The following SYNPR variants were observed in gnomAD, a reference collection of about 807,000 sequenced individuals.
The protein encoded by SYNPR is synaptoporin.
SYNPR carries 23 observed loss-of-function variants against 32.9 expected under a neutral mutation model. The observed-to-expected ratio is 0.70, with a 90% CI of 0.50 to 0.99. SYNPR has a LOEUF of 0.99. Ranked by LOEUF, SYNPR falls within the 50% of genes least tolerant of loss-of-function variation. SYNPR has a pLI of 0.00. For synonymous variants in SYNPR, 146 were observed against 135.9 expected (o/e 1.07, Z -0.52); for missense variants, 318 against 349.3 (o/e 0.91, Z 0.71).
At chr3:63,418,431 G>A (rs2088568005) in intron 2 of SYNPR, among the ~76,000 whole-genome samples, 1 of 152,102 alleles carries the variant, frequency 6.6e-6, no homozygotes, top group South Asian at 2.1e-4. Flanking sequence ...TCCAACCCCT[G>A]CCTGTTAGCC....
rs111588374 is a variant in SYNPR, at chr3:63,360,190, C to T, written c.84+81448C>T. Among the ~76,000 whole-genome samples, 709 of 152,244 alleles carry T rather than the reference C, an allele frequency of 4.7e-3. 6 individuals carry two copies. Among genetic ancestry groups the T allele is most frequent in the African/African-American group, 0.016 (646 of 41,558 alleles). ...TTCTTGTAAACATACACCCTTTCAC[C>T]CAGTTATTGTAGCCCAAAATCTCGG... On this transcript the variant is annotated intron_variant, in intron 2 of 5. Transcript: ENST00000478300.
intron 4 of SYNPR, among the ~76,000 whole-genome samples, chr3:63,578,114 G>T (rs1166159666): frequency 6.6e-6 from 1 of 152,114 alleles, no homozygotes; most frequent in Non-Finnish European, 1.5e-5. Flanking sequence ...TGCAAGTAAG[G>T]CCCAAGATGT....
intron 5 of SYNPR, among the ~76,000 whole-genome samples, chr3:63,609,833 C>G (rs565509813): frequency 9.2e-5 from 14 of 152,240 alleles, no homozygotes; most frequent in African/African-American, 3.4e-4. Flanking sequence ...TCGCTTGAAC[C>G]CAGGAGGCGG....
At chr3:63,332,633 C>T (rs1052108088) in intron 2 of SYNPR, among the ~76,000 whole-genome samples, 2 of 152,120 alleles carry the variant, frequency 1.3e-5, no homozygotes, top group African/African-American at 4.8e-5. Flanking sequence ...CTTTTGATGT[C>T]TCAGGCTTCT....
intron 2 of SYNPR, among the ~76,000 whole-genome samples, chr3:63,315,875 T>G (rs2087038682): frequency 6.6e-6 from 1 of 152,124 alleles, no homozygotes; most frequent in Admixed American, 6.6e-5. Flanking sequence ...TGCTGTGGGT[T>G]TGTCATCAAT....
intron 2 of SYNPR, among the ~76,000 whole-genome samples, chr3:63,370,724 G>A (rs2107051288): frequency 6.6e-6 from 1 of 152,240 alleles, no homozygotes; most frequent in South Asian, 2.1e-4. Context: ...CAATTTTGAG[G>A]TTGTTTAGAT....
intron 2 of SYNPR, among the ~76,000 whole-genome samples, chr3:63,328,614 A>T (rs1377400368): frequency 6.6e-6 from 1 of 152,202 alleles, no homozygotes; most frequent in East Asian, 1.9e-4. Flanking sequence ...GGAAGAATGC[A>T]GTGCTCTGGG....
chr3:63,276,620 T>TCCC (rs11398109), upstream of SYNPR, among the ~76,000 whole-genome samples: 17 of 142,024 alleles, frequency 1.2e-4, no homozygotes, highest in Admixed American at 1.5e-4. Context: ...TAGTGTTAGT[T>TCCC]CCCCCCACCC....
At chr3:63,363,332 A>C (rs1293004054) in intron 2 of SYNPR, among the ~76,000 whole-genome samples, 3 of 152,180 alleles carry the variant, frequency 2.0e-5, no homozygotes, top group African/African-American at 7.2e-5. Flanking sequence ...TTTATGCATA[A>C]TCTCTCTTGC....
chr3:63,311,721 G>A (rs946655190), intron 2 of SYNPR, among the ~76,000 whole-genome samples: 1 of 151,948 alleles, frequency 6.6e-6, no homozygotes, highest in Admixed American at 6.6e-5. Flanking sequence ...GTACATATGT[G>A]TATATATAAT....
At chr3:63,433,033 G>A (rs114866054) in intron 2 of SYNPR, among the ~76,000 whole-genome samples, 242 of 152,282 alleles carry the variant, frequency 1.6e-3, no homozygotes, top group African/African-American at 5.7e-3. Flanking sequence ...ATTCTGATGG[G>A]CAGCCAAATC....
Position 63,467,964 on chromosome 3 carries a change from T to C in SYNPR, c.85-12868T>C, listed in dbSNP as rs964006746. Among the ~76,000 whole-genome samples the C allele has an allele frequency of 1.5e-4, 22 of 151,374 alleles. No homozygotes were observed. The East Asian group carries it at 1.6e-3, about 11-fold the overall frequency. ...CCTGTAATCCCAGCAGTTTGGGAGGTTGAGGCGGGCACATCACCTGAGGTT... is the reference window on the plus strand; with the variant it reads ...CCTGTAATCCCAGCAGTTTGGGAGGCTGAGGCGGGCACATCACCTGAGGTT... On this transcript the variant is annotated intron_variant, in intron 2 of 5. Coordinates refer to ENST00000478300, the MANE Select transcript of SYNPR (RefSeq NM_001130003.2).
At chr3:63,310,081 A>G (rs1490169707) in intron 2 of SYNPR, among the ~76,000 whole-genome samples, 8 of 151,738 alleles carry the variant, frequency 5.3e-5, no homozygotes, top group Non-Finnish European at 2.9e-5. Flanking sequence ...GCTACCCCCT[A>G]CCAAGCCCTG....
intron 4 of SYNPR, among the ~76,000 whole-genome samples, chr3:63,591,923 A>AT (rs993365184): frequency 2.7e-4 from 37 of 135,710 alleles, no homozygotes; most frequent in East Asian, 6.0e-4. Flanking sequence ...AAGTATAATA[A>AT]AAAAAAAAAA....
chr3:63,347,875 TTGTGTGTGTGTGTGTGTGTG>T (rs10597535), intron 2 of SYNPR, among the ~76,000 whole-genome samples: 7 of 144,386 alleles, frequency 4.8e-5, no homozygotes, highest in African/African-American at 1.5e-4. Flanking sequence ...TAGTATTCCA[TTGTGTGTGTGTGTGTGTGTG>T]TGTGTGTGTG....
rs547859179 is a variant in SYNPR at position 63,437,647 on chromosome 3, G to A, written c.85-43185G>A. On this transcript the variant is annotated intron_variant, in intron 2 of 5. Transcript: ENST00000478300. Reference sequence around the variant, plus strand: ...AAGAAAGGAAGTGAAGGGAGGTAGGGAGGGAGGGAGGGAGAGAAAGAAAGA... The same window carrying A: ...AAGAAAGGAAGTGAAGGGAGGTAGGAAGGGAGGGAGGGAGAGAAAGAAAGA... Among the ~76,000 whole-genome samples, 4 of 148,810 alleles carry A rather than the reference G, an allele frequency of 2.7e-5. No individual in the cohort carries two copies. The East Asian group carries it at 8.3e-4, about 31-fold the overall frequency.
chr3:63,275,001 C>G (rs1361569343), upstream of SYNPR, among the ~76,000 whole-genome samples: 1 of 152,052 alleles, frequency 6.6e-6, no homozygotes, highest in Non-Finnish European at 1.5e-5. Context: ...GTCCCTGGCT[C>G]AAAACAAAAG....
chr3:63,595,781 ATATAGT>A (rs1423862806), intron 4 of SYNPR, among the ~76,000 whole-genome samples: 1 of 54,086 alleles, frequency 1.8e-5, no homozygotes, highest in South Asian at 6.4e-4. Flanking sequence ...TTTTATATAT[ATATAGT>A]TATATATATA....
chr3:63,568,054 T>C (rs1446752487), intron 4 of SYNPR, among the ~76,000 whole-genome samples: 1 of 152,100 alleles, frequency 6.6e-6, no homozygotes, highest in African/African-American at 2.4e-5. Context: ...ATTGCAAGAC[T>C]GAAAAAAGTG....
Sources: gnomAD v4.1 joint callset for allele counts (sites outside exome capture counted in the v4.1 genomes callset) on GRCh38, gnomAD v4.1.1 for gene constraint, MANE v1.5 for transcripts, NCBI Gene and HGNC (gene_info 2026-07-23, HGNC 2026-07-21) for gene names.